The following NSUN6 variants were observed in gnomAD, a reference collection of about 807,000 sequenced individuals.
The protein encoded by NSUN6 is NOP2/Sun RNA methyltransferase 6.
NSUN6 carries 64 observed loss-of-function variants against 58.0 expected under a neutral mutation model. That is an observed-to-expected ratio of 1.10 (90% CI 0.90 to 1.36). NSUN6 has a LOEUF of 1.36. Among genes scored for constraint, NSUN6 ranks in the 40% most tolerant of loss-of-function variants. The pLI is 0.00. For synonymous variants in NSUN6, 231 were observed against 193.9 expected (o/e 1.19, Z -1.59); for missense variants, 701 against 550.1 (o/e 1.27, Z -2.74).
At chr10:18,655,113 A>G (rs1046699947), upstream of NSUN6, 19 of 981,782 alleles carry the variant, frequency 1.9e-5, no homozygotes, top group Non-Finnish European at 2.3e-5. Context: ...CTGAAAATCC[A>G]GCAGTCCAAC....
At chr10:18,637,521 C>G (rs1377793974) in intron 3 of NSUN6, among the ~76,000 whole-genome samples, 2 of 152,206 alleles carry the variant, frequency 1.3e-5, no homozygotes, top group African/African-American at 2.4e-5. Context: ...GCATCAAAAT[C>G]TCTCATATAC....
chr10:18,592,068 C>T (rs2057397941), intron 7 of NSUN6, among the ~76,000 whole-genome samples: 1 of 152,086 alleles, frequency 6.6e-6, no homozygotes, highest in Non-Finnish European at 1.5e-5. Context: ...CATTCCTTTA[C>T]ACCAACAACA....
In NSUN6 at chr10:18,647,347, G is replaced by A. The variant is rs116174086; in HGVS notation, c.231+1143C>T. Among the ~76,000 whole-genome samples, 613 of 152,200 alleles carry A rather than the reference G, an allele frequency of 4.0e-3. 4 individuals carry two copies. Among genetic ancestry groups the A allele is most frequent in the African/African-American group, 9.7e-3 (401 of 41,518 alleles). On this transcript the variant is annotated intron_variant, in intron 2 of 10. Coordinates refer to ENST00000377304, the MANE Select transcript of NSUN6 (RefSeq NM_182543.5). ...CAGAAATGAGTCTGCTGACACCCAC[G>A]TTACATGTTACCAGTCAGTGAATAA...
At chr10:18,577,380 G>T (rs185052164) in intron 8 of NSUN6, among the ~76,000 whole-genome samples, 1 of 152,118 alleles carries the variant, frequency 6.6e-6, no homozygotes, top group South Asian at 2.1e-4. Flanking sequence ...AAAGTGGTTC[G>T]GTAAATGGAA....
At chr10:18,641,402 G>C (rs187387326) in intron 3 of NSUN6, among the ~76,000 whole-genome samples, 1 of 147,088 alleles carries the variant, frequency 6.8e-6, no homozygotes, top group East Asian at 2.0e-4. Context: ...GTCCCGCTCT[G>C]TCTCCCAGGC....
chr10:18,620,936 T>A (rs576704832), intron 3 of NSUN6, among the ~76,000 whole-genome samples: 1 of 152,358 alleles, frequency 6.6e-6, no homozygotes, highest in African/African-American at 2.4e-5. Flanking sequence ...GGGGAAAGGA[T>A]GAATTCTGGA....
chr10:18,601,275 C>G (rs2057828509), intron 6 of NSUN6, among the ~76,000 whole-genome samples: 1 of 151,846 alleles, frequency 6.6e-6, no homozygotes. Context: ...ATCTTTTTCC[C>G]TGTATTTTAG....
chr10:18,623,113 A>T (rs2058669014), intron 3 of NSUN6, among the ~76,000 whole-genome samples: 1 of 152,244 alleles, frequency 6.6e-6, no homozygotes, highest in Non-Finnish European at 1.5e-5. Flanking sequence ...CCTCATTTTA[A>T]GTAAACTGAA....
chr10:18,643,758 G>C (rs1590186671), intron 2 of NSUN6, among the ~76,000 whole-genome samples: 1 of 152,088 alleles, frequency 6.6e-6, no homozygotes, highest in Non-Finnish European at 1.5e-5. Flanking sequence ...TTGCCAAAGA[G>C]AAGATAATGA....
chr10:18,625,720 T>TAA (rs71402188), intron 3 of NSUN6, among the ~76,000 whole-genome samples: 379 of 53,734 alleles, frequency 7.1e-3, no homozygotes, highest in Middle Eastern at 0.017. Flanking sequence ...GTTTTTTTTT[T>TAA]AAAAAAAAAA....
intron 5 of NSUN6, among the ~76,000 whole-genome samples, 187 bp from the exon 6 acceptor site, chr10:18,610,113 A>G (rs762873220): frequency 1.4e-4 from 21 of 152,174 alleles, no homozygotes; most frequent in Non-Finnish European, 2.6e-4. Context: ...TGAGGTCAGG[A>G]GTTCAAGACC....
chr10:18,631,186 T>G (rs1388167408), intron 3 of NSUN6, among the ~76,000 whole-genome samples: 1 of 152,070 alleles, frequency 6.6e-6, no homozygotes, highest in Non-Finnish European at 1.5e-5. Context: ...AGAAAAGGCC[T>G]TTGACAAAAT....
intron 3 of NSUN6, among the ~76,000 whole-genome samples, chr10:18,624,653 A>AAAAAAG (rs1554880329): frequency 2.0e-5 from 3 of 151,354 alleles, no homozygotes; most frequent in African/African-American, 7.3e-5. Flanking sequence ...GTCTCAAAAA[A>AAAAAAG]AAAAAAAAAA....
At chr10:18,634,502 T>G (rs1018724588) in intron 3 of NSUN6, among the ~76,000 whole-genome samples, 1 of 151,648 alleles carries the variant, frequency 6.6e-6, no homozygotes, top group East Asian at 1.9e-4. Context: ...CTATAATCCC[T>G]GCACTTTGGG....
intron 2 of NSUN6, among the ~76,000 whole-genome samples, chr10:18,644,317 CAGA>C (rs2059475471): frequency 6.6e-6 from 1 of 152,130 alleles, no homozygotes. Flanking sequence ...GACATGATGC[CAGA>C]AGTAGAAAAT....
At chr10:18,600,235 GA>G (rs1417827250) in intron 6 of NSUN6, among the ~76,000 whole-genome samples, 2 of 147,354 alleles carry the variant, frequency 1.4e-5, no homozygotes, top group African/African-American at 2.5e-5. Context: ...AAAGCAAAAC[GA>G]AAAAAAAACC....
In NSUN6 at chr10:18,642,480, G is replaced by C; in HGVS notation, c.307C>G (p.Pro103Ala). 1 of 1,484,622 alleles carries C rather than the reference G, an allele frequency of 6.7e-7. No individual in the cohort carries two copies. Among genetic ancestry groups the C allele is most frequent in the Non-Finnish European group, 9.4e-7 (1 of 1,064,494 alleles). 92.0% of individuals were successfully genotyped at this position (1,484,622 alleles called of 1,614,324 possible). Residue 103 changes from proline to alanine, a missense_variant, in exon 3 of 11, where the codon CCC (proline) becomes GCC (alanine). By Grantham distance (27) the Pro-to-Ala change is conservative. Coordinates refer to ENST00000377304, the MANE Select transcript of NSUN6 (RefSeq NM_182543.5). ...QDVLLIPVIG[P>A]RKNIKKQQCE... Reference sequence around the variant, plus strand: ...GGAAATGAAGTTCTTACAAACCTGGGTCCAATAACAGGAATAAGTAACACA... The same window carrying C: ...GGAAATGAAGTTCTTACAAACCTGGCTCCAATAACAGGAATAAGTAACACA...
At chr10:18,632,887 C>G (rs534093346) in intron 3 of NSUN6, among the ~76,000 whole-genome samples, 56 of 152,212 alleles carry the variant, frequency 3.7e-4, no homozygotes, top group African/African-American at 1.1e-3. Context: ...ACCATTTGAC[C>G]CAGCCATCCC....
chr10:18,629,688 C>T (rs1356823278), intron 3 of NSUN6, among the ~76,000 whole-genome samples: 3 of 151,460 alleles, frequency 2.0e-5, no homozygotes, highest in African/African-American at 7.3e-5. Context: ...GGGATCAATT[C>T]AACAAGAAGA....
Sources: gnomAD v4.1 joint callset for allele counts (sites outside exome capture counted in the v4.1 genomes callset) on GRCh38, gnomAD v4.1.1 for gene constraint, MANE v1.5 for transcripts, NCBI Gene and HGNC (gene_info 2026-07-23, HGNC 2026-07-21) for gene names.